SGCZ: variants seen among roughly 807,000 people sequenced by gnomAD.
The protein encoded by SGCZ is zeta-sarcoglycan.
A neutral mutation model predicts 41.3 loss-of-function variants in SGCZ; 40 were observed. That is an observed-to-expected ratio of 0.97 (90% CI 0.75 to 1.26). The LOEUF is 1.26. SGCZ is among the 50% of genes most tolerant of loss of function. The pLI is 0.00. For missense variants in SGCZ, 552 were observed against 369.8 expected (o/e 1.49, Z -4.04); for synonymous variants, 206 against 137.5 (o/e 1.50, Z -3.49).
chr8:14,820,931 A>C (rs1171115480), intron 1 of SGCZ, among the ~76,000 whole-genome samples: 1 of 151,016 alleles, frequency 6.6e-6, no homozygotes, highest in African/African-American at 2.4e-5. Context: ...CAAAAAAAAA[A>C]CACTAGAAAA....
intron 2 of SGCZ, among the ~76,000 whole-genome samples, chr8:14,444,690 T>A (rs892762524): frequency 2.0e-5 from 3 of 151,034 alleles, no homozygotes; most frequent in African/African-American, 4.9e-5. Flanking sequence ...GAGGGATAGC[T>A]TTAGGAGATA....
intron 7 of SGCZ, among the ~76,000 whole-genome samples, chr8:14,098,387 G>A (rs577361122): frequency 6.6e-6 from 1 of 152,214 alleles, no homozygotes; most frequent in African/African-American, 2.4e-5. Flanking sequence ...ATACATTTTG[G>A]GGGTATGGAT....
chr8:14,529,225 C>T (rs973363474), intron 2 of SGCZ, among the ~76,000 whole-genome samples: 3 of 152,006 alleles, frequency 2.0e-5, no homozygotes, highest in African/African-American at 7.2e-5. Flanking sequence ...TAGTTTTTTC[C>T]CCTTATGATC....
At chr8:15,054,007 T>C (rs1804615305) in intron 1 of SGCZ, among the ~76,000 whole-genome samples, 1 of 152,228 alleles carries the variant, frequency 6.6e-6, no homozygotes, top group Non-Finnish European at 1.5e-5. Context: ...ACATGACATA[T>C]TTGACCTTTG....
intron 2 of SGCZ, among the ~76,000 whole-genome samples, chr8:14,395,701 A>G (rs1468137711): frequency 6.6e-6 from 1 of 152,198 alleles, no homozygotes; most frequent in East Asian, 1.9e-4. Flanking sequence ...ACTTCCTCAC[A>G]TAACCTAGGT....
chr8:14,684,551 T>C (rs559482728), intron 1 of SGCZ, among the ~76,000 whole-genome samples: 11 of 152,314 alleles, frequency 7.2e-5, no homozygotes, highest in African/African-American at 2.6e-4. Context: ...GTATTCATAC[T>C]GTAAACATGT....
chr8:14,680,304 C>T (rs186602751), intron 1 of SGCZ, among the ~76,000 whole-genome samples: 1 of 152,164 alleles, frequency 6.6e-6, no homozygotes, highest in African/African-American at 2.4e-5. Context: ...TAACAAAACC[C>T]ATAGAACATA....
In SGCZ at chr8:14,711,598, TAAAA is replaced by T. The variant is rs200467876; in HGVS notation, c.40-156676_40-156673del. 4.5e-3 allele frequency among the ~76,000 whole-genome samples: 359 copies of T among 80,272 alleles called. 4 individuals carry two copies. Among genetic ancestry groups the T allele is most frequent in the African/African-American group, 0.015 (336 of 21,792 alleles). 52.7% of individuals were successfully genotyped at this position (80,272 alleles called of 152,430 possible). A position where few individuals can be genotyped will look rare whatever the true frequency, so the allele number is the denominator to read the frequency against. On this transcript the variant is annotated intron_variant, in intron 1 of 7. Coordinates refer to ENST00000382080, the MANE Select transcript of SGCZ (RefSeq NM_139167.4). ...GCCCAGGAGACAGAGTGAGACTCTG[TAAAA>T]AAAAAAAAAAAAAAAAAAGCCTATA...
chr8:14,891,110 A>T lies in SGCZ; in HGVS notation c.40-336184T>A, dbSNP rs889623085. Among the ~76,000 whole-genome samples the T allele has an allele frequency of 1.4e-4, 21 of 152,346 alleles. No individual in the cohort carries two copies. In the East Asian group the frequency reaches 4.1e-3, roughly 29 times the overall value. ...AGATTAATGTTTCCATGCCTGCAAGAAGAACCTCCCTTGTGCAGCCCATGG... is the reference window on the plus strand; with the variant it reads ...AGATTAATGTTTCCATGCCTGCAAGTAGAACCTCCCTTGTGCAGCCCATGG... On this transcript the variant is annotated intron_variant, in intron 1 of 7. Transcript: ENST00000382080.
chr8:14,464,194 T>A (rs975143158), intron 2 of SGCZ, among the ~76,000 whole-genome samples: 1 of 151,658 alleles, frequency 6.6e-6, no homozygotes, highest in Non-Finnish European at 1.5e-5. Context: ...GAATTGATGT[T>A]AGTTATTCTT....
intron 1 of SGCZ, among the ~76,000 whole-genome samples, chr8:14,852,022 A>C (rs972062390): frequency 2.9e-4 from 44 of 152,162 alleles, no homozygotes; most frequent in Admixed American, 1.6e-3. Context: ...AAACTTTAGC[A>C]ATCAACTTGT....
At chr8:14,396,022 G>C (rs1156946771) in intron 2 of SGCZ, among the ~76,000 whole-genome samples, 2 of 152,138 alleles carry the variant, frequency 1.3e-5, no homozygotes, top group Non-Finnish European at 2.9e-5. Flanking sequence ...TATGATCGGA[G>C]AGAGGGTACG....
At chr8:14,809,814 A>G (rs1275591705) in intron 1 of SGCZ, among the ~76,000 whole-genome samples, 1 of 152,146 alleles carries the variant, frequency 6.6e-6, no homozygotes, top group Non-Finnish European at 1.5e-5. Context: ...CATTAGCAAG[A>G]TACTGCAAAA....
chr8:14,324,083 C>G lies in SGCZ; in HGVS notation c.336+20G>C, dbSNP rs1368020301. On this transcript the variant is annotated intron_variant, in intron 3 of 7. Coordinates refer to ENST00000382080, the MANE Select transcript of SGCZ (RefSeq NM_139167.4). The stretch of plus-strand genomic sequence containing the variant: ...CCTCTAAATTATCTTTTAGAGTAAG[C>G]CAAAGCCAGTATCACATACCTTTCG... 6.5e-7 allele frequency: 1 copy of G among 1,543,116 alleles called. No individual in the cohort carries two copies. The highest frequency in any genetic ancestry group is 1.1e-5 in the South Asian group (1 of 89,470).
chr8:14,154,886 G>A (rs993190664), intron 5 of SGCZ, among the ~76,000 whole-genome samples: 12 of 152,124 alleles, frequency 7.9e-5, no homozygotes, highest in African/African-American at 2.7e-4. Flanking sequence ...TTCCAGGCAT[G>A]GGGGTGAGCC....
rs969007654 is a variant in SGCZ, at chr8:14,951,605, G to A, written c.39+285980C>T. Among the ~76,000 whole-genome samples, 11 of 151,894 alleles carry A rather than the reference G, an allele frequency of 7.2e-5. 1 individual carries two copies. Among genetic ancestry groups the A allele is most frequent in the Non-Finnish European group, 1.3e-4 (9 of 67,882 alleles). On this transcript the variant is annotated intron_variant, in intron 1 of 7. Transcript: ENST00000382080. The stretch of plus-strand genomic sequence containing the variant: ...TAGAAAACATCACAGCTGGTTCAAC[G>A]TCTCAAAAACTAATTAATTACCAGC...
intron 1 of SGCZ, among the ~76,000 whole-genome samples, chr8:14,806,941 AAATGT>A (rs1801554171): frequency 6.6e-6 from 1 of 151,686 alleles, no homozygotes; most frequent in Non-Finnish European, 1.5e-5. Context: ...GCAAATCAAT[AAATGT>A]AATCCAGCAT....
chr8:14,181,447 G>C (rs1309035720), intron 4 of SGCZ, among the ~76,000 whole-genome samples: 1 of 152,144 alleles, frequency 6.6e-6, no homozygotes, highest in Non-Finnish European at 1.5e-5. Context: ...CCCAGAGGTA[G>C]GTGGGCATCC....
At chr8:14,665,393 G>A (rs777755553) in intron 1 of SGCZ, among the ~76,000 whole-genome samples, 2 of 152,028 alleles carry the variant, frequency 1.3e-5, no homozygotes, top group African/African-American at 2.4e-5. Flanking sequence ...GTGCCACATC[G>A]TCTTAATCCA....
Sources: gnomAD v4.1 joint callset for allele counts (sites outside exome capture counted in the v4.1 genomes callset) on GRCh38, gnomAD v4.1.1 for gene constraint, MANE v1.5 for transcripts, NCBI Gene and HGNC (gene_info 2026-07-23, HGNC 2026-07-21) for gene names.